The following ZFPM2 variants were observed in gnomAD, a reference collection of about 807,000 sequenced individuals.
The protein encoded by ZFPM2 is zinc finger protein, FOG family member 2.
Under a neutral mutation model 98.6 loss-of-function variants are expected in ZFPM2, and 20 were observed. The observed-to-expected ratio is 0.20, with a 90% confidence interval of 0.14 to 0.29. The LOEUF is 0.29. ZFPM2 is among the 10% of genes least tolerant of loss of function. The probability of loss-of-function intolerance (pLI) is 1.00; values close to 1 mark genes in which losing one functional copy is unlikely to be tolerated. For missense variants in ZFPM2, 1,310 were observed against 1,388.6 expected, an observed-to-expected ratio of 0.94 and a Z score of 0.90; for synonymous variants, 518 against 502.7, an observed-to-expected ratio of 1.03 and a Z score of -0.41.
At chr8:105,611,535 G>A (rs1357051429) in intron 4 of ZFPM2, among the ~76,000 whole-genome samples, 1 of 151,998 alleles carries the variant, frequency 6.6e-6, no homozygotes, top group Non-Finnish European at 1.5e-5. Flanking sequence ...GAGTTGAAGA[G>A]GCTCAAAAAC....
chr8:105,784,998 T>C (rs117940380), intron 5 of ZFPM2: 1 of 130,118 alleles, frequency 7.7e-6, no homozygotes, highest in Non-Finnish European at 1.5e-5. Context: ...AACATTTAAA[T>C]ATAACCTCTT....
chr8:105,790,771 G>A (rs2131142472), intron 6 of ZFPM2, among the ~76,000 whole-genome samples: 1 of 152,158 alleles, frequency 6.6e-6, no homozygotes, highest in East Asian at 1.9e-4. Flanking sequence ...TTATTTCATT[G>A]AGCAGTGGTT....
chr8:105,620,041 A>G (rs1816502689), intron 4 of ZFPM2, among the ~76,000 whole-genome samples: 1 of 152,176 alleles, frequency 6.6e-6, no homozygotes, highest in South Asian at 2.1e-4. Flanking sequence ...CTTTGGGTAT[A>G]TATCCAGTAA....
intron 5 of ZFPM2, among the ~76,000 whole-genome samples, chr8:105,779,193 T>C (rs1236479341): frequency 6.6e-6 from 1 of 152,186 alleles, no homozygotes; most frequent in Non-Finnish European, 1.5e-5. Flanking sequence ...CACACTGATA[T>C]TCCTATCTAT....
chr8:105,323,497 C>G (rs947203608), intron 1 of ZFPM2, among the ~76,000 whole-genome samples: 1 of 151,736 alleles, frequency 6.6e-6, no homozygotes, highest in Non-Finnish European at 1.5e-5. Context: ...ATTAAAGGAA[C>G]CTGTATTCTG....
chr8:105,755,491 A>G (rs111230735), intron 5 of ZFPM2, among the ~76,000 whole-genome samples: 4,498 of 152,260 alleles, frequency 0.03, 201 homozygotes, highest in African/African-American at 0.1. Flanking sequence ...GCTTTAATAT[A>G]GCTTTGTATT....
chr8:105,692,896 A>G (rs1810921383), intron 5 of ZFPM2, among the ~76,000 whole-genome samples: 1 of 152,234 alleles, frequency 6.6e-6, no homozygotes, highest in Non-Finnish European at 1.5e-5. Context: ...AGTAGACCAT[A>G]GAAAGCTAGA....
At chr8:105,626,868 A>G (rs1292547982) in intron 4 of ZFPM2, among the ~76,000 whole-genome samples, 1 of 152,130 alleles carries the variant, frequency 6.6e-6, no homozygotes, top group Non-Finnish European at 1.5e-5. Flanking sequence ...AGATTCTCTA[A>G]TGGTATTTTT....
chr8:105,459,226 T>G (rs1178788983), intron 3 of ZFPM2, among the ~76,000 whole-genome samples: 1 of 152,156 alleles, frequency 6.6e-6, no homozygotes, highest in East Asian at 1.9e-4. Context: ...TTTTGTTTTG[T>G]TTTGCTTTTA....
chr8:105,394,870 A>G (rs750703552), intron 1 of ZFPM2, among the ~76,000 whole-genome samples: 1 of 152,210 alleles, frequency 6.6e-6, no homozygotes, highest in Non-Finnish European at 1.5e-5. Context: ...ATGAAGCAGC[A>G]TTTGGAATCT....
chr8:105,557,639 G>GT (rs1450534192), intron 3 of ZFPM2, among the ~76,000 whole-genome samples: 1 of 151,900 alleles, frequency 6.6e-6, no homozygotes, highest in Admixed American at 6.6e-5. Context: ...GGCTTGTTTT[G>GT]TTTTTTGCTT....
chr8:105,657,650 T>C (rs1321435678), intron 5 of ZFPM2, among the ~76,000 whole-genome samples: 1 of 152,168 alleles, frequency 6.6e-6, no homozygotes, highest in Non-Finnish European at 1.5e-5. Flanking sequence ...GCACGTACTT[T>C]ATAAGCAAAC....
chr8:105,475,931 G>A (rs1433567599), intron 3 of ZFPM2, among the ~76,000 whole-genome samples: 1 of 152,142 alleles, frequency 6.6e-6, no homozygotes, highest in Non-Finnish European at 1.5e-5. Context: ...TCATAAATAT[G>A]TATGCAACTT....
At chr8:105,561,329 A>C in intron 3 of ZFPM2, 34 bp from the exon 4 acceptor site, 1 of 1,538,974 alleles carries the variant, frequency 6.5e-7, no homozygotes, top group Non-Finnish European at 9.0e-7. Context: ...AGTACAAGTA[A>C]GTATTCTAAA....
intron 3 of ZFPM2, among the ~76,000 whole-genome samples, chr8:105,468,120 T>A (rs546140921): frequency 1.3e-5 from 2 of 152,098 alleles, no homozygotes; most frequent in South Asian, 4.2e-4. Flanking sequence ...CCATCCTTAC[T>A]TCTTCGGTGT....
chr8:105,413,780 A>G (rs1811627025), intron 1 of ZFPM2, among the ~76,000 whole-genome samples: 1 of 151,848 alleles, frequency 6.6e-6, no homozygotes, highest in South Asian at 2.1e-4. Flanking sequence ...TTCTGTGCAC[A>G]AGTAAAATGA....
intron 5 of ZFPM2, chr8:105,678,807 G>C (rs1739467010): frequency 6.6e-6 from 1 of 152,170 alleles, no homozygotes; most frequent in African/African-American, 2.4e-5. Context: ...AATCTGCACA[G>C]CAGAGTATGC....
chr8:105,621,418 G>A (rs1816542761), intron 4 of ZFPM2, among the ~76,000 whole-genome samples: 1 of 152,154 alleles, frequency 6.6e-6, no homozygotes. Flanking sequence ...AGCTTAAGGA[G>A]GTTTGGGGCT....
At chr8:105,513,941 G>A (rs1241732384) in intron 3 of ZFPM2, among the ~76,000 whole-genome samples, 5 of 151,432 alleles carry the variant, frequency 3.3e-5, no homozygotes, top group Admixed American at 6.6e-5. Flanking sequence ...TTGGGAGCTG[G>A]TTGAAAACGT....
Sources: gnomAD v4.1 joint callset for allele counts (sites outside exome capture counted in the v4.1 genomes callset) on GRCh38, gnomAD v4.1.1 for gene constraint, MANE v1.5 for transcripts, NCBI Gene and HGNC (gene_info 2026-07-23, HGNC 2026-07-21) for gene names.